KIAA1328: variants seen among roughly 807,000 people sequenced by gnomAD.
KIAA1328 encodes KIAA1328.
KIAA1328 carries 52 observed loss-of-function variants against 68.1 expected under a neutral mutation model. The observed-to-expected ratio is 0.76, with a 90% CI of 0.61 to 0.96. The LOEUF is 0.96. KIAA1328 is among the 40% of genes least tolerant of loss of function. KIAA1328 has a pLI of 0.00. For missense variants in KIAA1328, 641 were observed against 677.6 expected, an observed-to-expected ratio of 0.95 and a Z score of 0.60; for synonymous variants, 232 against 239.4, an observed-to-expected ratio of 0.97 and a Z score of 0.28.
intron 5 of KIAA1328, among the ~76,000 whole-genome samples, chr18:36,890,327 A>C (rs542723569): frequency 6.6e-6 from 1 of 152,038 alleles, no homozygotes; most frequent in South Asian, 2.1e-4. Flanking sequence ...ATGTAAAAGT[A>C]ATAACCAGTC....
chr18:37,024,461 T>A (rs1186822837), intron 6 of KIAA1328, among the ~76,000 whole-genome samples: 2 of 151,820 alleles, frequency 1.3e-5, no homozygotes, highest in African/African-American at 4.8e-5. Flanking sequence ...ATGTGCCAGG[T>A]TGGTGTGCTG....
At chr18:37,111,257 T>C (rs2057921800) in intron 7 of KIAA1328, among the ~76,000 whole-genome samples, 1 of 152,198 alleles carries the variant, frequency 6.6e-6, no homozygotes, top group South Asian at 2.1e-4. Flanking sequence ...GAAGCTGCTA[T>C]CCACAGGGAG....
At chr18:37,187,059 G>A (rs1043689060) in intron 9 of KIAA1328, among the ~76,000 whole-genome samples, 3 of 152,104 alleles carry the variant, frequency 2.0e-5, no homozygotes, top group Non-Finnish European at 4.4e-5. Flanking sequence ...AGCTACTCAG[G>A]AGGCTGAGGC....
chr18:36,901,260 A>T (rs921927229), intron 5 of KIAA1328, among the ~76,000 whole-genome samples: 2 of 151,920 alleles, frequency 1.3e-5, no homozygotes, highest in African/African-American at 4.8e-5. Context: ...GTTCTTGGGC[A>T]TCTTAGCTTT....
chr18:37,226,258 C>G (rs2060636339), downstream of KIAA1328, among the ~76,000 whole-genome samples: 1 of 151,630 alleles, frequency 6.6e-6, no homozygotes, highest in South Asian at 2.1e-4. Flanking sequence ...CCTTGCCAAT[C>G]AGCAACGAAA....
At chr18:37,216,850 T>C (rs1369549064) in intron 9 of KIAA1328, among the ~76,000 whole-genome samples, 4 of 151,966 alleles carry the variant, frequency 2.6e-5, no homozygotes, top group Non-Finnish European at 4.4e-5. Context: ...TAGTTAGCTC[T>C]TCCTGTTGAA....
At chr18:36,952,327 T>A (rs1264601854) in intron 5 of KIAA1328, among the ~76,000 whole-genome samples, 1 of 152,220 alleles carries the variant, frequency 6.6e-6, no homozygotes, top group African/African-American at 2.4e-5. Context: ...ATCTCCATTG[T>A]ACTCTAGTGT....
intron 7 of KIAA1328, among the ~76,000 whole-genome samples, chr18:37,129,633 A>C (rs2058474459): frequency 6.6e-6 from 1 of 152,062 alleles, no homozygotes; most frequent in South Asian, 2.1e-4. Flanking sequence ...AGAGATTGAG[A>C]AGATTAGATT....
chr18:37,225,808 CCT>C (rs1470848484), downstream of KIAA1328, among the ~76,000 whole-genome samples: 22 of 152,168 alleles, frequency 1.4e-4, no homozygotes, highest in Non-Finnish European at 2.2e-4. Flanking sequence ...TGTCCTGCCC[CCT>C]GTTCCCCAAC....
Position 37,129,237 on chromosome 18 carries a change from C to T in KIAA1328, c.1233-30963C>T, listed in dbSNP as rs534990487. ...TCAATTCCATTCCTATAATTTTTTCCTTGGAAGTAAAATTATCAAAACAAA... is the reference window on the plus strand; with the variant it reads ...TCAATTCCATTCCTATAATTTTTTCTTTGGAAGTAAAATTATCAAAACAAA... On this transcript the variant is annotated intron_variant, in intron 7 of 9. Transcript: ENST00000280020. 9.9e-5 allele frequency among the ~76,000 whole-genome samples: 15 copies of T among 151,650 alleles called. No individual in the cohort carries two copies. In the South Asian group the frequency reaches 2.7e-3, roughly 27 times the overall value.
chr18:37,109,738 G>T (rs959086857), intron 7 of KIAA1328, among the ~76,000 whole-genome samples: 1 of 152,136 alleles, frequency 6.6e-6, no homozygotes, highest in Admixed American at 6.5e-5. Context: ...AGTACTGGTG[G>T]TTCTCAGCCT....
At chr18:36,933,492 C>T (rs896585679) in intron 5 of KIAA1328, among the ~76,000 whole-genome samples, 10 of 152,198 alleles carry the variant, frequency 6.6e-5, no homozygotes, top group Non-Finnish European at 1.0e-4. Context: ...CACCTGGAGG[C>T]ACACCCTCCT....
intron 6 of KIAA1328, among the ~76,000 whole-genome samples, chr18:37,020,402 C>A (rs1345657103): frequency 6.6e-6 from 1 of 152,170 alleles, no homozygotes; most frequent in Non-Finnish European, 1.5e-5. Context: ...GGATTACAGG[C>A]GTGAGCCACC....
At chr18:37,098,806 G>A (rs1182761441) in intron 7 of KIAA1328, among the ~76,000 whole-genome samples, 1 of 152,066 alleles carries the variant, frequency 6.6e-6, no homozygotes, top group Non-Finnish European at 1.5e-5. Flanking sequence ...GTCTTGGGAG[G>A]GTGTATGTGT....
chr18:37,069,260 GT>G (rs35780871), intron 7 of KIAA1328, among the ~76,000 whole-genome samples: 13,387 of 133,438 alleles, frequency 0.1, 407 homozygotes, highest in Middle Eastern at 0.14. Context: ...ATTTGCATCA[GT>G]TTTTTTTTTT....
At position 36,897,371 on chromosome 18, in the gene KIAA1328, G is replaced by A. The variant is rs146156640; in HGVS notation, c.448+11699G>A. On this transcript the variant is annotated intron_variant, in intron 5 of 9. Transcript: ENST00000280020. ...GATAATGCTGGGTTTCAATTAAACC[G>A]GTCAGTTTTTCAAATAGTTGTTATA... 1.1e-3 allele frequency among the ~76,000 whole-genome samples: 173 copies of A among 152,016 alleles called. 1 individual carries two copies. The highest frequency in any genetic ancestry group is 4.0e-3 in the African/African-American group (165 of 41,490).
intron 5 of KIAA1328, chr18:36,903,780 C>T (rs1208898974): frequency 2.6e-5 from 4 of 152,108 alleles, no homozygotes; most frequent in Non-Finnish European, 4.4e-5. Context: ...GTCATTGACT[C>T]TCCAGAGGTG....
At chr18:36,844,554 T>C (rs1212152380) in intron 4 of KIAA1328, among the ~76,000 whole-genome samples, 1 of 151,996 alleles carries the variant, frequency 6.6e-6, no homozygotes, top group East Asian at 1.9e-4. Flanking sequence ...CAAATATTTG[T>C]AGCGGTCATC....
rs2060626734 is a variant in KIAA1328, at chr18:37,225,280, TTATG to T, written c.*3056_*3059del. 2 of 985,344 alleles carry T rather than the reference TTATG, an allele frequency of 2.0e-6. No homozygotes were observed. Among genetic ancestry groups the T allele is most frequent in the Non-Finnish European group, 1.2e-6 (1 of 829,938 alleles). The allele number at this position is 985,344 out of a possible 1,614,324, so 61.0% of individuals were successfully genotyped here. On this transcript the variant is annotated 3_prime_UTR_variant, in exon 10 of 10. Coordinates refer to ENST00000280020, the MANE Select transcript of KIAA1328 (RefSeq NM_020776.3). Reference sequence around the variant, plus strand: ...GTGTATTTTGAATATGAGCAAATGTTTATGTACGTATGAGATTTCAAGTTAATAA... The same window carrying T: ...GTGTATTTTGAATATGAGCAAATGTTTACGTATGAGATTTCAAGTTAATAA...
Sources: gnomAD v4.1 joint callset for allele counts (sites outside exome capture counted in the v4.1 genomes callset) on GRCh38, gnomAD v4.1.1 for gene constraint, MANE v1.5 for transcripts, NCBI Gene and HGNC (gene_info 2026-07-23, HGNC 2026-07-21) for gene names.